Variants in CDK6 observed in about 807,000 individuals in gnomAD.
CDK6 encodes the protein cyclin dependent kinase 6.
Under a neutral mutation model 37.1 loss-of-function variants are expected in CDK6, and 6 were observed. The ratio of observed to expected loss-of-function variants is 0.16; its 90% confidence interval spans 0.09 to 0.32. The LOEUF (loss-of-function observed/expected upper bound fraction) is 0.32. Among genes scored for constraint, CDK6 ranks in the 10% least tolerant of loss-of-function variants. The pLI, the probability that CDK6 is intolerant of heterozygous loss-of-function variation, is 1.00. For synonymous variants in CDK6, 160 were observed against 161.3 expected (o/e 0.99, Z 0.06); for missense variants, 224 against 418.9 (o/e 0.53, Z 4.06).
intron 2 of CDK6, 53 bp from the exon 3 acceptor site, chr7:92,774,884 C>A (rs2115787173): frequency 6.4e-7 from 1 of 1,561,392 alleles, no homozygotes; most frequent in Non-Finnish European, 8.7e-7. Flanking sequence ...AAGAAGTAAC[C>A]TGTATGTTTT....
At chr7:92,798,166 A>T (rs1479334322) in intron 2 of CDK6, among the ~76,000 whole-genome samples, 1 of 152,210 alleles carries the variant, frequency 6.6e-6, no homozygotes, top group African/African-American at 2.4e-5. Flanking sequence ...CTGATGTAAG[A>T]CTAAACAAAG....
At chr7:92,797,310 C>T (rs1010214313) in intron 2 of CDK6, among the ~76,000 whole-genome samples, 17 of 152,182 alleles carry the variant, frequency 1.1e-4, no homozygotes, top group African/African-American at 3.9e-4. Flanking sequence ...CACAGACAAG[C>T]ATGCAAGGGA....
At chr7:92,714,425 G>A (rs147845409) in intron 4 of CDK6, among the ~76,000 whole-genome samples, 4 of 152,284 alleles carry the variant, frequency 2.6e-5, no homozygotes, top group Middle Eastern at 3.4e-3. Flanking sequence ...GGAGAGAAAG[G>A]TTAGGAACAG....
At chr7:92,760,778 T>C (rs1799435345) in intron 3 of CDK6, among the ~76,000 whole-genome samples, 1 of 152,178 alleles carries the variant, frequency 6.6e-6, no homozygotes, top group Non-Finnish European at 1.5e-5. Flanking sequence ...TGGGATCATA[T>C]TGTATATATG....
intron 2 of CDK6, among the ~76,000 whole-genome samples, chr7:92,827,182 T>C (rs1206645740): frequency 6.6e-6 from 1 of 152,076 alleles, no homozygotes; most frequent in African/African-American, 2.4e-5. Context: ...ATAAAACAGA[T>C]CAAAGGGGGT....
At chr7:92,673,056 T>C (rs912601206) in intron 4 of CDK6, among the ~76,000 whole-genome samples, 1 of 152,352 alleles carries the variant, frequency 6.6e-6, no homozygotes, top group African/African-American at 2.4e-5. Flanking sequence ...CTAGGCCTTT[T>C]CTCTTGAGAT....
At chr7:92,709,571 T>C (rs150401809) in intron 4 of CDK6, among the ~76,000 whole-genome samples, 1 of 152,338 alleles carries the variant, frequency 6.6e-6, no homozygotes, top group African/African-American at 2.4e-5. Context: ...TATATACATA[T>C]ATGTATTTTA....
chr7:92,742,740 T>TAC (rs563516842), intron 3 of CDK6, among the ~76,000 whole-genome samples: 249 of 142,996 alleles, frequency 1.7e-3, no homozygotes, highest in African/African-American at 6.0e-3. Context: ...TACATATATA[T>TAC]ATACACACAC....
At chr7:92,622,685 G>C (rs370040632) in intron 6 of CDK6, among the ~76,000 whole-genome samples, 2 of 152,060 alleles carry the variant, frequency 1.3e-5, no homozygotes, top group African/African-American at 4.8e-5. Context: ...GACAAGGATG[G>C]GTACTTGGTC....
chr7:92,725,111 C>T (rs1798479739), intron 4 of CDK6: 1 of 985,452 alleles, frequency 1.0e-6, no homozygotes, highest in Non-Finnish European at 1.2e-6. Flanking sequence ...CTTCACCTGG[C>T]ATGGCGGTGC....
chr7:92,727,593 G>C (rs189657524), intron 3 of CDK6, among the ~76,000 whole-genome samples: 1 of 152,094 alleles, frequency 6.6e-6, no homozygotes, highest in Non-Finnish European at 1.5e-5. Flanking sequence ...TGATTTCTGG[G>C]GGAGACTGAT....
At position 92,624,132 on chromosome 7, in the gene CDK6, G is replaced by A. The variant is rs375294882; in HGVS notation, c.648-1046C>T. On this transcript the variant is annotated intron_variant, in intron 5 of 7. Coordinates refer to ENST00000424848, the MANE Select transcript of CDK6 (RefSeq NM_001145306.2). Reference sequence around the variant, plus strand: ...TTCAGTGGTTAGAACACACCTTAACGTTTCTCAACCATACTTTCTATGAAT... The same window carrying A: ...TTCAGTGGTTAGAACACACCTTAACATTTCTCAACCATACTTTCTATGAAT... Among the ~76,000 whole-genome samples, 10 of 152,004 alleles carry A rather than the reference G, an allele frequency of 6.6e-5. No individual in the cohort carries two copies. The East Asian group carries it at 7.7e-4, about 12-fold the overall frequency.
At chr7:92,827,194 G>T (rs958412623) in intron 2 of CDK6, among the ~76,000 whole-genome samples, 1 of 152,096 alleles carries the variant, frequency 6.6e-6, no homozygotes, top group African/African-American at 2.4e-5. Context: ...AAAGGGGGTT[G>T]CACTAGGTTA....
intron 3 of CDK6, among the ~76,000 whole-genome samples, chr7:92,758,287 T>G (rs1254124114): frequency 1.3e-5 from 2 of 152,204 alleles, no homozygotes; most frequent in Non-Finnish European, 2.9e-5. Flanking sequence ...AAGTCTTTAA[T>G]CCCTCTTGAG....
At chr7:92,768,159 G>T (rs1799628403) in intron 3 of CDK6, among the ~76,000 whole-genome samples, 1 of 152,138 alleles carries the variant, frequency 6.6e-6, no homozygotes, top group African/African-American at 2.4e-5. Flanking sequence ...TGCTGAAGGT[G>T]GGAGGCTGAT....
chr7:92,606,913 C>T lies in CDK6; in HGVS notation c.*8227G>A. On this transcript the variant is annotated 3_prime_UTR_variant, in exon 8 of 8. Transcript: ENST00000424848. ...TCTATACCAAACACTTGCCCTTTAA[C>T]CTTCAGATAAAAACCTCAAATACCA... 4.3e-6 allele frequency: 1 copy of T among 232,960 alleles called. No individual in the cohort carries two copies. The highest frequency in any genetic ancestry group is 8.5e-6 in the Non-Finnish European group (1 of 117,862). 14.4% of individuals were successfully genotyped at this position (232,960 alleles called of 1,614,324 possible). A position where few individuals can be genotyped will look rare whatever the true frequency, so the allele number is the denominator to read the frequency against.
chr7:92,628,791 T>C (rs1299412193), intron 5 of CDK6, among the ~76,000 whole-genome samples: 1 of 152,060 alleles, frequency 6.6e-6, no homozygotes, highest in Non-Finnish European at 1.5e-5. Context: ...AATGTGTATT[T>C]AAAAACTGGG....
chr7:92,788,789 T>G lies in CDK6; in HGVS notation c.234-13958A>C, dbSNP rs184454494. Among the ~76,000 whole-genome samples the G allele has an allele frequency of 9.5e-4, 144 of 152,158 alleles. 1 individual carries two copies. Among genetic ancestry groups the G allele is most frequent in the Middle Eastern group, 3.4e-3 (1 of 294 alleles). ...AACAACTACTTCTCATCAGAAACTA[T>G]GGAGGGCAGAAGGCAGTGGGATGGC... is the stretch of plus-strand genomic sequence containing the variant. On this transcript the variant is annotated intron_variant, in intron 2 of 7. Coordinates refer to ENST00000424848, the MANE Select transcript of CDK6 (RefSeq NM_001145306.2).
chr7:92,672,160 T>TATATATATATATATATATATATATAC (rs1210519115), intron 4 of CDK6, among the ~76,000 whole-genome samples: 1 of 79,092 alleles, frequency 1.3e-5, no homozygotes, highest in African/African-American at 5.5e-5. Flanking sequence ...TATATATATA[T>TATATATATATATATATATATATATAC]ACACATACAC....
Sources: allele counts gnomAD v4.1 joint callset (sites outside exome capture counted in the v4.1 genomes callset), GRCh38; gene constraint gnomAD v4.1.1; transcripts MANE v1.5; gene names NCBI Gene and HGNC (gene_info 2026-07-23, HGNC 2026-07-21).